ESRRG: variants seen among roughly 807,000 people sequenced by gnomAD.
ESRRG encodes estrogen-related receptor gamma.
A neutral mutation model predicts 44.0 loss-of-function variants in ESRRG; 13 were observed. That is an observed-to-expected ratio of 0.30 (90% CI 0.19 to 0.47). ESRRG has a LOEUF of 0.47. ESRRG is among the 20% of genes least tolerant of loss of function. The pLI is 1.00. For missense variants in ESRRG, 395 were observed against 580.6 expected (o/e 0.68, Z 3.29); for synonymous variants, 215 against 214.6 (o/e 1.00, Z -0.02).
intron 5 of ESRRG, among the ~76,000 whole-genome samples, chr1:216,553,533 G>T (rs903561514): frequency 5.3e-5 from 8 of 152,100 alleles, no homozygotes; most frequent in Non-Finnish European, 1.2e-4. Flanking sequence ...TTCTGGCAAT[G>T]AAAATATAAT....
chr1:216,569,989 A>G (rs1211154451), intron 3 of ESRRG, among the ~76,000 whole-genome samples: 1 of 152,228 alleles, frequency 6.6e-6, no homozygotes. Context: ...TCTGAGTTAC[A>G]TGAAACGATT....
chr1:216,920,124 T>C (rs1272144900), intron 2 of ESRRG, among the ~76,000 whole-genome samples: 1 of 152,160 alleles, frequency 6.6e-6, no homozygotes, highest in East Asian at 1.9e-4. Flanking sequence ...AAGGTTGAAA[T>C]GCAAAGTTAT....
intron 1 of ESRRG, among the ~76,000 whole-genome samples, chr1:217,075,691 C>T (rs928728365): frequency 2.7e-5 from 4 of 150,812 alleles, no homozygotes; most frequent in African/African-American, 9.7e-5. Context: ...ACAGTATTAA[C>T]CATGATATTC....
intron 3 of ESRRG, among the ~76,000 whole-genome samples, chr1:216,618,085 T>C (rs1473907055): frequency 4.6e-5 from 7 of 152,226 alleles, no homozygotes; most frequent in Admixed American, 2.6e-4. Flanking sequence ...TCAGTAATAA[T>C]AGTCATTAAA....
chr1:216,511,000 C>G (rs2042571779), intron 6 of ESRRG, among the ~76,000 whole-genome samples: 1 of 152,100 alleles, frequency 6.6e-6, no homozygotes, highest in South Asian at 2.1e-4. Flanking sequence ...CTCAAGAGTG[C>G]CAAATCTCAT....
upstream of ESRRG, among the ~76,000 whole-genome samples, chr1:216,724,544 G>A (rs1403755958): frequency 6.6e-6 from 1 of 151,326 alleles, no homozygotes; most frequent in Admixed American, 6.6e-5. Context: ...TATACATAAG[G>A]CACCCTATAT....
At chr1:216,586,183 A>C (rs1000029127) in intron 3 of ESRRG, among the ~76,000 whole-genome samples, 28 of 152,342 alleles carry the variant, frequency 1.8e-4, no homozygotes, top group South Asian at 6.2e-4. Flanking sequence ...TCAAATCTTC[A>C]TGAACTTTTC....
chr1:216,866,186 A>T (rs2096153956), intron 2 of ESRRG, among the ~76,000 whole-genome samples: 1 of 152,172 alleles, frequency 6.6e-6, no homozygotes, highest in Non-Finnish European at 1.5e-5. Context: ...ACATGCTATC[A>T]AGTAATCAAC....
At chr1:216,895,081 G>A (rs1429736502) in intron 2 of ESRRG, among the ~76,000 whole-genome samples, 1 of 152,048 alleles carries the variant, frequency 6.6e-6, no homozygotes, top group Non-Finnish European at 1.5e-5. Context: ...CCAGAAATAT[G>A]CTTTTTTCTT....
At chr1:217,098,569 C>T (rs1291721615) in intron 1 of ESRRG, among the ~76,000 whole-genome samples, 1 of 152,076 alleles carries the variant, frequency 6.6e-6, no homozygotes, top group Non-Finnish European at 1.5e-5. Context: ...AGTGTATCCA[C>T]ATTTGAAGGT....
Position 216,506,557 on chromosome 1 carries a change from G to A in ESRRG, c.*382C>T. The A allele has an allele frequency of 4.5e-6, 2 of 444,252 alleles. No individual in the cohort carries two copies. 27.5% of individuals were successfully genotyped at this position (444,252 alleles called of 1,614,324 possible). ...AAGCTATTTCAAATTTAGAAAAAAG[G>A]GGAAGGATGAGAAAAGAGAGGAATG... On this transcript the variant is annotated 3_prime_UTR_variant, in exon 7 of 7. Coordinates refer to ENST00000408911, the MANE Select transcript of ESRRG (RefSeq NM_001438.4).
At chr1:216,601,280 G>C (rs1008147325) in intron 3 of ESRRG, among the ~76,000 whole-genome samples, 2 of 151,990 alleles carry the variant, frequency 1.3e-5, no homozygotes, top group Non-Finnish European at 2.9e-5. Context: ...CCTCCCAGGG[G>C]CTCCCTCCGC....
At chr1:216,938,060 C>T (rs934965726) in intron 2 of ESRRG, among the ~76,000 whole-genome samples, 7 of 151,990 alleles carry the variant, frequency 4.6e-5, no homozygotes, top group Admixed American at 3.9e-4. Context: ...TGGCTCGGTG[C>T]CCCTGCCTTC....
chr1:217,132,563 C>A (rs2092980712), intron 1 of ESRRG, among the ~76,000 whole-genome samples: 1 of 152,178 alleles, frequency 6.6e-6, no homozygotes, highest in South Asian at 2.1e-4. Context: ...AATTTAGGAA[C>A]TGTCAAGAGA....
intron 2 of ESRRG, among the ~76,000 whole-genome samples, chr1:216,892,269 T>TA (rs2057901124): frequency 6.6e-6 from 1 of 152,172 alleles, no homozygotes; most frequent in African/African-American, 2.4e-5. Flanking sequence ...ATATGATACT[T>TA]TAGGGGCAAA....
upstream of ESRRG, among the ~76,000 whole-genome samples, chr1:216,725,533 G>A (rs933405860): frequency 2.6e-5 from 4 of 151,948 alleles, no homozygotes; most frequent in African/African-American, 4.8e-5. Context: ...AAAGAAACAT[G>A]ATTTTTCTAA....
chr1:216,845,457 G>A (rs1031058350), intron 2 of ESRRG, among the ~76,000 whole-genome samples: 2 of 152,056 alleles, frequency 1.3e-5, no homozygotes, highest in African/African-American at 2.4e-5. Context: ...AGTTATCATC[G>A]GCTTTGGTAA....
chr1:217,009,494 A>G (rs2078227945), intron 1 of ESRRG, among the ~76,000 whole-genome samples: 1 of 152,140 alleles, frequency 6.6e-6, no homozygotes, highest in African/African-American at 2.4e-5. Context: ...ATAAACAATT[A>G]AAATGGCAAG....
At chr1:217,023,187 G>T (rs1482261871) in intron 1 of ESRRG, among the ~76,000 whole-genome samples, 1 of 152,104 alleles carries the variant, frequency 6.6e-6, no homozygotes, top group Non-Finnish European at 1.5e-5. Context: ...GTCTCTAAAA[G>T]ATTCCCTAAG....
Sources: gnomAD v4.1 joint callset for allele counts (sites outside exome capture counted in the v4.1 genomes callset) on GRCh38, gnomAD v4.1.1 for gene constraint, MANE v1.5 for transcripts, NCBI Gene and HGNC (gene_info 2026-07-23, HGNC 2026-07-21) for gene names.